MYO3B: variants seen among roughly 807,000 people sequenced by gnomAD.
MYO3B encodes myosin-IIIb.
MYO3B carries 156 observed loss-of-function variants against 174.6 expected under a neutral mutation model. The observed-to-expected ratio is 0.89, with a 90% CI of 0.78 to 1.02. The LOEUF (loss-of-function observed/expected upper bound fraction) is 1.02, where lower values mean the gene tolerates loss of function less well. Among genes scored for constraint, MYO3B ranks in the 50% least tolerant of loss-of-function variants. The pLI is 0.00. For synonymous variants in MYO3B, 563 were observed against 569.1 expected (o/e 0.99, Z 0.15); for missense variants, 1,632 against 1,639.4 (o/e 1.00, Z 0.08).
chr2:170,226,607 T>C (rs1440041445), intron 6 of MYO3B, among the ~76,000 whole-genome samples: 3 of 152,156 alleles, frequency 2.0e-5, no homozygotes, highest in Admixed American at 2.0e-4. Context: ...ATGTGTCATA[T>C]GTCAGTGTGG....
chr2:170,593,396 C>A (rs1187683597), intron 32 of MYO3B, among the ~76,000 whole-genome samples: 1 of 152,188 alleles, frequency 6.6e-6, no homozygotes, highest in Non-Finnish European at 1.5e-5. Flanking sequence ...AGCCAGCATG[C>A]CTGGCCGCAT....
chr2:170,426,789 G>A (rs1233192339), intron 22 of MYO3B, among the ~76,000 whole-genome samples: 1 of 152,100 alleles, frequency 6.6e-6, no homozygotes, highest in African/African-American at 2.4e-5. Context: ...GGAAGCCAAG[G>A]CAGGCGGATC....
Position 170,580,718 on chromosome 2 carries a change from A to ATATGTG in MYO3B, c.3733+36731_3733+36732insATGTGT, listed in dbSNP as rs768974458. Among the ~76,000 whole-genome samples, 378 of 142,770 alleles carry ATATGTG rather than the reference A, an allele frequency of 2.6e-3. 2 individuals are homozygous for ATATGTG. Among genetic ancestry groups the ATATGTG allele is most frequent in the African/African-American group, 9.2e-3 (350 of 38,248 alleles). 93.7% of individuals were successfully genotyped at this position (142,770 alleles called of 152,430 possible). A position where few individuals can be genotyped will look rare whatever the true frequency, so the allele number is the denominator to read the frequency against. ...CTTCAGGTCCCACAAAACCTTATATATGTGTGTGTGTGTGTGTGTGTGTGT... is the reference window on the plus strand; with the variant it reads ...CTTCAGGTCCCACAAAACCTTATATATATGTGTGTGTGTGTGTGTGTGTGTGTGTGT... On this transcript the variant is annotated intron_variant, in intron 32 of 34. Transcript: ENST00000408978.
At chr2:170,238,187 G>C (rs981159887) in intron 7 of MYO3B, among the ~76,000 whole-genome samples, 1 of 152,202 alleles carries the variant, frequency 6.6e-6, no homozygotes, top group African/African-American at 2.4e-5. Context: ...TGTGCATCCT[G>C]TGTGAGTGCT....
At chr2:170,553,502 G>C (rs536988705) in intron 32 of MYO3B, among the ~76,000 whole-genome samples, 2 of 152,188 alleles carry the variant, frequency 1.3e-5, no homozygotes, top group Non-Finnish European at 2.9e-5. Flanking sequence ...TTTGGAATGG[G>C]AGCATTTACC....
At chr2:170,514,895 G>A in intron 28 of MYO3B, 26 bp from the exon 29 acceptor site, 1 of 1,604,350 alleles carries the variant, frequency 6.2e-7, no homozygotes, top group Non-Finnish European at 8.5e-7. Context: ...ATAACCTTGA[G>A]AAAGTCTTTT....
intron 30 of MYO3B, among the ~76,000 whole-genome samples, chr2:170,536,834 T>A (rs1220941094): frequency 6.6e-6 from 1 of 152,212 alleles, no homozygotes; most frequent in Non-Finnish European, 1.5e-5. Context: ...ATAACTTCCA[T>A]AATGAAAGTT....
intron 22 of MYO3B, among the ~76,000 whole-genome samples, chr2:170,412,806 G>A (rs928926766): frequency 1.3e-4 from 20 of 152,312 alleles, no homozygotes; most frequent in Non-Finnish European, 2.2e-4. Context: ...AAATTTCAGG[G>A]CCACAGACAT....
At chr2:170,478,751 A>G (rs140576211) in intron 25 of MYO3B, among the ~76,000 whole-genome samples, 5 of 149,956 alleles carry the variant, frequency 3.3e-5, no homozygotes, top group African/African-American at 1.2e-4. Flanking sequence ...TTGTATTTTT[A>G]GTAGAGATGG....
At chr2:170,453,929 G>C (rs62170689) in intron 23 of MYO3B, among the ~76,000 whole-genome samples, 12,014 of 152,224 alleles carry the variant, frequency 0.079, 568 homozygotes, top group Non-Finnish European at 0.1. Flanking sequence ...TGGGCAAGAC[G>C]AAGAGTGGAG....
At chr2:170,517,406 T>C (rs2106132848) in intron 29 of MYO3B, among the ~76,000 whole-genome samples, 1 of 152,334 alleles carries the variant, frequency 6.6e-6, no homozygotes, top group Non-Finnish European at 1.5e-5. Context: ...GTCTTGGACA[T>C]GGCACCTTCA....
chr2:170,648,976 AAAT>A lies in MYO3B; in HGVS notation c.3734-2647_3734-2645del, dbSNP rs1382332292. On this transcript the variant is annotated intron_variant, in intron 32 of 34. Transcript: ENST00000408978. ...AATAATATATAATGTATAATATATA[AAAT>A]AATATATAATGTATAATATATAAAA... Among the ~76,000 whole-genome samples, 315 of 74,592 alleles carry A rather than the reference AAAT, an allele frequency of 4.2e-3. 2 individuals are homozygous for A. The highest frequency in any genetic ancestry group is 0.014 in the African/African-American group (279 of 20,226). The allele number at this position is 74,592 out of a possible 152,430, so 48.9% of individuals were successfully genotyped here.
chr2:170,461,845 C>T (rs1042790861), intron 23 of MYO3B, among the ~76,000 whole-genome samples: 9 of 133,654 alleles, frequency 6.7e-5, no homozygotes, highest in African/African-American at 2.3e-4. Context: ...TGGAGGTCGG[C>T]GGGGCCGGGG....
At chr2:170,314,391 A>C (rs2093760065) in intron 7 of MYO3B, among the ~76,000 whole-genome samples, 1 of 152,146 alleles carries the variant, frequency 6.6e-6, no homozygotes, top group African/African-American at 2.4e-5. Context: ...TTTGCTACCC[A>C]CTGTAACCCC....
chr2:170,311,350 T>A (rs1432046262), intron 7 of MYO3B, among the ~76,000 whole-genome samples: 1 of 152,140 alleles, frequency 6.6e-6, no homozygotes, highest in African/African-American at 2.4e-5. Context: ...GATTTGCATT[T>A]CTCTGATGAC....
intron 8 of MYO3B, among the ~76,000 whole-genome samples, chr2:170,336,000 G>A (rs566733880): frequency 3.3e-5 from 5 of 152,258 alleles, no homozygotes; most frequent in African/African-American, 1.2e-4. Flanking sequence ...TGACATACCT[G>A]GTAGGAGCTA....
At chr2:170,485,386 AACACACACACAC>A (rs370436580) in intron 25 of MYO3B, among the ~76,000 whole-genome samples, 5 of 136,790 alleles carry the variant, frequency 3.7e-5, no homozygotes, top group East Asian at 2.2e-4. Flanking sequence ...ATCCTTTCAG[AACACACACACAC>A]ACACACACAC....
intron 32 of MYO3B, among the ~76,000 whole-genome samples, chr2:170,564,012 A>G (rs1050027331): frequency 5.3e-5 from 8 of 152,266 alleles, no homozygotes; most frequent in Admixed American, 4.6e-4. Context: ...TACCCAAGAT[A>G]GAATTTAATC....
chr2:170,387,501 T>A (rs1458437583), intron 14 of MYO3B, among the ~76,000 whole-genome samples, 193 bp downstream of exon 14: 1 of 152,170 alleles, frequency 6.6e-6, no homozygotes, highest in Non-Finnish European at 1.5e-5. Flanking sequence ...TACAAAGGGC[T>A]GGGGTGGGCG....
Sources: gnomAD v4.1 joint callset for allele counts (sites outside exome capture counted in the v4.1 genomes callset) on GRCh38, gnomAD v4.1.1 for gene constraint, MANE v1.5 for transcripts, NCBI Gene and HGNC (gene_info 2026-07-23, HGNC 2026-07-21) for gene names.